The following SLC44A5 variants were observed in gnomAD, a reference collection of about 807,000 sequenced individuals.
The protein encoded by SLC44A5 is choline transporter-like protein 5.
Under a neutral mutation model 101.8 loss-of-function variants are expected in SLC44A5, and 57 were observed. The observed-to-expected ratio is 0.56, with a 90% CI of 0.45 to 0.70. The LOEUF (loss-of-function observed/expected upper bound fraction) is 0.70. SLC44A5 is among the 30% of genes least tolerant of loss of function. SLC44A5 has a pLI of 0.00. For missense variants in SLC44A5, 737 were observed against 853.1 expected (o/e 0.86, Z 1.70); for synonymous variants, 281 against 290.9 (o/e 0.97, Z 0.35).
At chr1:75,311,636 G>C in intron 4 of SLC44A5, 1 of 895,434 alleles carries the variant, frequency 1.1e-6, no homozygotes. Context: ...CGGATACTGT[G>C]GCAGATGCTA....
At chr1:75,678,106 G>A in the SLC44A5 span, among the ~76,000 whole-genome samples, 214 of 152,278 alleles carry the variant, frequency 1.4e-3, no homozygotes, top group African/African-American at 4.7e-3. Flanking sequence ...TGGCTCGGAG[G>A]GTCCTACCCC....
At chr1:75,343,267 T>C (rs1658016593) in intron 3 of SLC44A5, among the ~76,000 whole-genome samples, 1 of 152,194 alleles carries the variant, frequency 6.6e-6, no homozygotes, top group Non-Finnish European at 1.5e-5. Context: ...AAAACATTTA[T>C]AAAAGACAGC....
intron 13 of SLC44A5, among the ~76,000 whole-genome samples, chr1:75,227,272 G>A (rs927995077): frequency 7.2e-5 from 11 of 152,120 alleles, no homozygotes; most frequent in Admixed American, 5.9e-4. Context: ...GGCTGAGGTG[G>A]TAGAATTGCT....
At chr1:75,477,506 A>T (rs1296628352) in intron 2 of SLC44A5, among the ~76,000 whole-genome samples, 1 of 152,196 alleles carries the variant, frequency 6.6e-6, no homozygotes, top group Non-Finnish European at 1.5e-5. Context: ...ACCTTTGAAA[A>T]AAATTTAGAT....
chr1:75,271,801 T>C (rs1187871887), intron 6 of SLC44A5, among the ~76,000 whole-genome samples: 3 of 152,084 alleles, frequency 2.0e-5, no homozygotes, highest in Non-Finnish European at 2.9e-5. Context: ...CTTTTTTACA[T>C]AATGACTTCC....
chr1:75,651,696 C>CAAAA, the SLC44A5 span, among the ~76,000 whole-genome samples: 4 of 70,128 alleles, frequency 5.7e-5, no homozygotes, highest in African/African-American at 1.0e-4. Context: ...GACTCTGTCT[C>CAAAA]AAAAAAAAAA....
chr1:75,295,495 G>C (rs1024385221), intron 5 of SLC44A5, among the ~76,000 whole-genome samples: 2 of 152,116 alleles, frequency 1.3e-5, no homozygotes, highest in African/African-American at 4.8e-5. Flanking sequence ...TGGACAAAAA[G>C]GATAAAAATA....
At chr1:75,356,611 A>T (rs2101094583) in intron 3 of SLC44A5, among the ~76,000 whole-genome samples, 1 of 152,280 alleles carries the variant, frequency 6.6e-6, no homozygotes, top group South Asian at 2.1e-4. Context: ...TAATAAATTT[A>T]GTGTAAACTA....
intron 3 of SLC44A5, among the ~76,000 whole-genome samples, chr1:75,388,342 A>G (rs1430564855): frequency 1.3e-5 from 2 of 152,126 alleles, no homozygotes; most frequent in Non-Finnish European, 2.9e-5. Context: ...AAAGAATAAT[A>G]CTTGCTACCA....
intron 3 of SLC44A5, chr1:75,357,341 C>G: frequency 2.7e-6 from 1 of 370,426 alleles, no homozygotes; most frequent in South Asian, 1.9e-5. Flanking sequence ...GTGAACGTGT[C>G]CTGACCAAAA....
intron 3 of SLC44A5, chr1:75,354,057 G>A (rs1658885404): frequency 3.2e-6 from 1 of 310,930 alleles, no homozygotes; most frequent in Non-Finnish European, 6.2e-6. Flanking sequence ...AAATGTTTTA[G>A]AATCCAAATA....
At chr1:75,512,652 A>G (rs1305048131) in intron 2 of SLC44A5, among the ~76,000 whole-genome samples, 2 of 152,204 alleles carry the variant, frequency 1.3e-5, no homozygotes, top group Non-Finnish European at 2.9e-5. Flanking sequence ...TAGATATTGG[A>G]TGTAGTACTA....
chr1:75,275,594 T>C (rs1460337757), intron 5 of SLC44A5, among the ~76,000 whole-genome samples: 1 of 152,136 alleles, frequency 6.6e-6, no homozygotes, highest in East Asian at 1.9e-4. Flanking sequence ...TTACCCTAAG[T>C]TCTGTCTGAT....
chr1:75,356,935 G>A (rs931605658), intron 3 of SLC44A5, among the ~76,000 whole-genome samples: 1 of 152,184 alleles, frequency 6.6e-6, no homozygotes, highest in Non-Finnish European at 1.5e-5. Context: ...TGGCCTAGGT[G>A]TGTAGTAGGC....
chr1:75,248,177 T>C (rs574799049), intron 7 of SLC44A5, among the ~76,000 whole-genome samples: 28 of 152,126 alleles, frequency 1.8e-4, no homozygotes, highest in African/African-American at 6.7e-4. Flanking sequence ...GAAAGGATAC[T>C]AGAGACAGAG....
At chr1:75,637,979 TA>T in the SLC44A5 span, among the ~76,000 whole-genome samples, 4 of 152,018 alleles carry the variant, frequency 2.6e-5, no homozygotes, top group African/African-American at 9.7e-5. Flanking sequence ...CTCACTGATA[TA>T]AATCCGCCTA....
At chr1:75,368,661 AC>A (rs1660021432) in intron 3 of SLC44A5, among the ~76,000 whole-genome samples, 1 of 149,986 alleles carries the variant, frequency 6.7e-6, no homozygotes, top group South Asian at 2.1e-4. Flanking sequence ...ACACACACAC[AC>A]ACACACACAC....
chr1:75,239,132 G>T (rs940029359), intron 9 of SLC44A5, among the ~76,000 whole-genome samples: 1 of 152,014 alleles, frequency 6.6e-6, no homozygotes, highest in Non-Finnish European at 1.5e-5. Context: ...CTAAATTTTT[G>T]TCTGTGAATT....
intron 2 of SLC44A5, among the ~76,000 whole-genome samples, chr1:75,452,455 T>C (rs72986751): frequency 0.034 from 5,169 of 152,230 alleles, 299 homozygotes; most frequent in African/African-American, 0.12. Flanking sequence ...CACACTTAAG[T>C]ACAGAGCCCA....
Sources: gnomAD v4.1 joint callset for allele counts (sites outside exome capture counted in the v4.1 genomes callset) on GRCh38, gnomAD v4.1.1 for gene constraint, MANE v1.5 for transcripts, NCBI Gene and HGNC (gene_info 2026-07-23, HGNC 2026-07-21) for gene names.